Variants in PXDN observed in about 807,000 individuals in gnomAD.
The protein encoded by PXDN is peroxidasin.
PXDN carries 77 observed loss-of-function variants against 140.3 expected under a neutral mutation model. The observed-to-expected ratio is 0.55, with a 90% CI of 0.46 to 0.66. The LOEUF is 0.66. Among genes scored for constraint, PXDN ranks in the 30% least tolerant of loss-of-function variants. PXDN has a pLI of 0.00. For missense variants in PXDN, 1,838 were observed against 2,039.5 expected (o/e 0.90, Z 1.90); for synonymous variants, 911 against 857.4 (o/e 1.06, Z -1.09).
At chr2:1,720,856 G>A (rs1037847912) in intron 1 of PXDN, among the ~76,000 whole-genome samples, 1 of 152,110 alleles carries the variant, frequency 6.6e-6, no homozygotes, top group Non-Finnish European at 1.5e-5. Flanking sequence ...CAGCTGGTTG[G>A]ACCTGGGTGG....
chr2:1,688,099 C>T (rs1182730333), intron 3 of PXDN, among the ~76,000 whole-genome samples: 1 of 152,142 alleles, frequency 6.6e-6, no homozygotes, highest in Non-Finnish European at 1.5e-5. Flanking sequence ...TCCAAAATAC[C>T]TAGAAATAAT....
rs12467846 is a variant in PXDN at position 1,645,009 on chromosome 2, G to C, written c.3609-257C>G. 0.88 allele frequency among the ~76,000 whole-genome samples: 133,393 copies of C among 152,144 alleles called. 58,662 individuals carry two copies. Among genetic ancestry groups the C allele is most frequent in the East Asian group, 1 (5,166 of 5,172 alleles). On this transcript the variant is annotated intron_variant, in intron 17 of 22. Coordinates refer to ENST00000252804, the MANE Select transcript of PXDN (RefSeq NM_012293.3). The stretch of plus-strand genomic sequence containing the variant: ...AACAAATTTAGAAAAGCCAAGAAAA[G>C]ATAAGGAAGAAAATTTAAGCCACAC...
chr2:1,733,971 C>A (rs6760542), intron 1 of PXDN, among the ~76,000 whole-genome samples: 35,272 of 151,900 alleles, frequency 0.23, 4,506 homozygotes, highest in East Asian at 0.58. Context: ...ATAAGCAGCA[C>A]TGGAAAGAAT....
chr2:1,679,495 G>A (rs1683817553), intron 7 of PXDN, among the ~76,000 whole-genome samples: 1 of 146,752 alleles, frequency 6.8e-6, no homozygotes, highest in Non-Finnish European at 1.5e-5. Flanking sequence ...TGTGTAAATG[G>A]TGTGTGTGTG....
At chr2:1,712,593 G>A (rs1376323861) in intron 1 of PXDN, among the ~76,000 whole-genome samples, 1 of 152,218 alleles carries the variant, frequency 6.6e-6, no homozygotes, top group Non-Finnish European at 1.5e-5. Flanking sequence ...TCCCAGCAGC[G>A]AATCCCCAGG....
At chr2:1,697,748 G>C (rs2125454682) in intron 1 of PXDN, among the ~76,000 whole-genome samples, 1 of 152,298 alleles carries the variant, frequency 6.6e-6, no homozygotes, top group Middle Eastern at 3.4e-3. Flanking sequence ...TGAGGGTACT[G>C]GAGAGGGACC....
Position 1,685,118 on chromosome 2 carries a change from C to T in PXDN, c.417-967G>A, listed in dbSNP as rs541739852. 8.3e-4 allele frequency among the ~76,000 whole-genome samples: 127 copies of T among 152,316 alleles called. 1 individual carries two copies. Among genetic ancestry groups the T allele is most frequent in the East Asian group, 3.9e-4 (2 of 5,158 alleles). On this transcript the variant is annotated intron_variant, in intron 4 of 22. Transcript: ENST00000252804. This position sits in a 1 kb window ranked among gnomAD's most constrained non-coding sequence, Gnocchi z 5.1. The stretch of plus-strand genomic sequence containing the variant: ...CCGTCACCACCAGGGCACCAGAGTG[C>T]GGCTGCCAGGGCCCGCCCCGTCCCG...
Position 1,651,896 on chromosome 2 carries a change from G to A in PXDN, c.2104+1732C>T, listed in dbSNP as rs905677864. On this transcript the variant is annotated intron_variant, in intron 16 of 22. Coordinates refer to ENST00000252804, the MANE Select transcript of PXDN (RefSeq NM_012293.3). The surrounding 1 kb of genome is among the most constrained non-coding windows in gnomAD (Gnocchi z 4.4). Reference sequence around the variant, plus strand: ...GAGGGCAGAGGTTTTTATTTCTTCCGTTTGTGACTGTAGGCCCTGGCCCAG... The same window carrying A: ...GAGGGCAGAGGTTTTTATTTCTTCCATTTGTGACTGTAGGCCCTGGCCCAG... Among the ~76,000 whole-genome samples the A allele has an allele frequency of 7.9e-5, 12 of 152,142 alleles. No homozygotes were observed. The highest frequency in any genetic ancestry group is 9.7e-5 in the African/African-American group (4 of 41,426).
At chr2:1,647,040 G>A (rs1682864349) in intron 17 of PXDN, among the ~76,000 whole-genome samples, 3 of 151,924 alleles carry the variant, frequency 2.0e-5, no homozygotes, top group South Asian at 2.1e-4. Flanking sequence ...GATTACAGGC[G>A]CCTGCCACCA....
chr2:1,725,534 A>G (rs1449501570), intron 1 of PXDN, among the ~76,000 whole-genome samples: 7 of 152,120 alleles, frequency 4.6e-5, no homozygotes, highest in Admixed American at 3.9e-4. Context: ...CTTCATGTCT[A>G]AAACACCAAA....
chr2:1,679,619 T>C (rs1683824467), intron 7 of PXDN, among the ~76,000 whole-genome samples: 1 of 148,450 alleles, frequency 6.7e-6, no homozygotes, highest in South Asian at 2.2e-4. Context: ...GTGTGTGGTT[T>C]GTGTCTGCAC....
intron 1 of PXDN, among the ~76,000 whole-genome samples, chr2:1,729,179 A>G (rs1429459576): frequency 1.3e-5 from 2 of 152,230 alleles, no homozygotes; most frequent in Non-Finnish European, 2.9e-5. Context: ...CACAAACGCT[A>G]GATGGTTTGG....
chr2:1,649,583 A>C lies in PXDN; in HGVS notation c.2197T>G (p.Ser733Ala), dbSNP rs1682964639. 3.7e-6 allele frequency: 6 copies of C among 1,613,988 alleles called. No homozygotes were observed. Among genetic ancestry groups the C allele is most frequent in the Non-Finnish European group, 5.1e-6 (6 of 1,179,894 alleles). The change falls in exon 17 of 23, where the codon TCG becomes GCG. Residue 733 changes from serine to alanine, a missense_variant. Transcript: ENST00000252804. The surrounding 1 kb of genome is among the most constrained non-coding windows in gnomAD (Gnocchi z 7.1). ...CTAHRRVNNCSDMCFHQKYRT... is the reference protein window; with the variant it reads ...CTAHRRVNNCADMCFHQKYRT... The stretch of plus-strand genomic sequence containing the variant: ...TACTTCTGGTGGAAGCACATGTCCG[A>C]GCAGTTGTTCACGCGCCGGTGGGCG...
At chr2:1,739,467 T>C (rs990683921) in intron 1 of PXDN, among the ~76,000 whole-genome samples, 4 of 152,048 alleles carry the variant, frequency 2.6e-5, no homozygotes, top group African/African-American at 7.3e-5. Context: ...CCTTGACATA[T>C]GAAAAAACAC....
chr2:1,685,248 G>A lies in PXDN; in HGVS notation c.417-1097C>T, dbSNP rs1249823754. Among the ~76,000 whole-genome samples the A allele has an allele frequency of 2.0e-5, 3 of 152,254 alleles. No homozygotes were observed. The highest frequency in any genetic ancestry group is 7.2e-5 in the African/African-American group (3 of 41,472). ...AGACCATCCCTGCCCCTTGCCCCGG[G>A]ACAGGTCTGTGCTCAGCACTCCGCG... On this transcript the variant is annotated intron_variant, in intron 4 of 22. Coordinates refer to ENST00000252804, the MANE Select transcript of PXDN (RefSeq NM_012293.3). This position sits in a 1 kb window ranked among gnomAD's most constrained non-coding sequence, Gnocchi z 5.1.
At chr2:1,710,182 A>T (rs1349806238) in intron 1 of PXDN, among the ~76,000 whole-genome samples, 1 of 152,172 alleles carries the variant, frequency 6.6e-6, no homozygotes, top group Non-Finnish European at 1.5e-5. Context: ...AGGTTCCTAG[A>T]AATGGCACTG....
Position 1,680,209 on chromosome 2 carries a change from C to T in PXDN, c.714G>A (p.Pro238=), listed in dbSNP as rs369934248. The stretch of plus-strand genomic sequence containing the variant: ...GCCACTCACCACAGTTCAGCTCTTC[C>T]GGGGTGATGGTTGCCACTGAGCGTC... The part of the protein sequence containing the change: ...IQGRSVATIT[P]EELNCERPRI... Residue 238 remains proline, a synonymous_variant, in exon 7 of 23, where the codon CCG becomes CCA. Transcript: ENST00000252804. 2.8e-5 allele frequency: 44 copies of T among 1,580,506 alleles called. No homozygotes were observed. The highest frequency in any genetic ancestry group is 3.4e-5 in the Non-Finnish European group (40 of 1,163,270).
intron 9 of PXDN, 149 bp downstream of exon 9, chr2:1,673,494 A>T: frequency 9.5e-7 from 1 of 1,050,144 alleles, no homozygotes; most frequent in South Asian, 1.6e-5. Flanking sequence ...CCCTGCGCTT[A>T]GAAAGCTTTC....
chr2:1,644,476 C>T (rs191641575), intron 18 of PXDN, 142 bp downstream of exon 18: 53 of 1,006,892 alleles, frequency 5.3e-5, no homozygotes, highest in African/African-American at 5.1e-4. Context: ...GCCTCAGTGC[C>T]TTCCTCATTC....
Sources: allele counts gnomAD v4.1 joint callset (sites outside exome capture counted in the v4.1 genomes callset), GRCh38; gene constraint gnomAD v4.1.1; non-coding constraint Gnocchi (gnomAD v3.1); transcripts MANE v1.5; gene names NCBI Gene and HGNC (gene_info 2026-07-23, HGNC 2026-07-21).